The following XKR9 variants were observed in gnomAD, a reference collection of about 807,000 sequenced individuals.
XKR9 encodes the protein XK related 9.
In XKR9, 32 loss-of-function variants were observed where a neutral mutation model predicts 32.0. The observed-to-expected ratio is 1.00, with a 90% CI of 0.76 to 1.34. The LOEUF (loss-of-function observed/expected upper bound fraction) is 1.34, where lower values mean the gene tolerates loss of function less well. Among genes scored for constraint, XKR9 ranks in the 40% most tolerant of loss-of-function variants. XKR9 has a pLI of 0.00. For synonymous variants in XKR9, 168 were observed against 143.4 expected (o/e 1.17, Z -1.22); for missense variants, 546 against 429.7 (o/e 1.27, Z -2.39).
At chr8:70,852,176 G>T in the XKR9 span, among the ~76,000 whole-genome samples, 1 of 152,210 alleles carries the variant, frequency 6.6e-6, no homozygotes, top group Non-Finnish European at 1.5e-5. Context: ...ACAAACATAT[G>T]AGAAAAAGCT....
At chr8:70,968,980 C>T in the XKR9 span, among the ~76,000 whole-genome samples, 1 of 152,158 alleles carries the variant, frequency 6.6e-6, no homozygotes, top group Admixed American at 6.5e-5. Context: ...AGCAGTTGCA[C>T]CATGCTGGGG....
chr8:70,740,905 C>G (rs201386040), downstream of XKR9, among the ~76,000 whole-genome samples: 1 of 152,290 alleles, frequency 6.6e-6, no homozygotes, highest in South Asian at 2.1e-4. Context: ...TTAGGCTGCT[C>G]GGGGTCAGGG....
At chr8:71,038,250 T>C in the XKR9 span, among the ~76,000 whole-genome samples, 1 of 151,972 alleles carries the variant, frequency 6.6e-6, no homozygotes, top group Non-Finnish European at 1.5e-5. Flanking sequence ...TCTTTCTTTC[T>C]CTTTCTTCCT....
chr8:70,842,547 T>TACACACACACACACACACACACAC, the XKR9 span, among the ~76,000 whole-genome samples: 1 of 149,026 alleles, frequency 6.7e-6, no homozygotes. Context: ...CATCATTATT[T>TACACACACACACACACACACACAC]ACACACACAC....
At chr8:70,858,091 A>G in the XKR9 span, among the ~76,000 whole-genome samples, 1 of 152,208 alleles carries the variant, frequency 6.6e-6, no homozygotes, top group Non-Finnish European at 1.5e-5. Flanking sequence ...CTCCTATTCA[A>G]CATAGTGTTG....
At chr8:70,951,443 G>A in the XKR9 span, among the ~76,000 whole-genome samples, 1 of 152,256 alleles carries the variant, frequency 6.6e-6, no homozygotes, top group African/African-American at 2.4e-5. Flanking sequence ...CCCAGGCTGG[G>A]AGGGCCTGGC....
the XKR9 span, among the ~76,000 whole-genome samples, chr8:70,852,941 G>A: frequency 6.6e-6 from 1 of 151,984 alleles, no homozygotes; most frequent in Admixed American, 6.6e-5. Context: ...CATGGCACAT[G>A]TATGCCTATG....
chr8:71,018,430 T>G, the XKR9 span, among the ~76,000 whole-genome samples: 1 of 152,198 alleles, frequency 6.6e-6, no homozygotes, highest in Non-Finnish European at 1.5e-5. Flanking sequence ...ATAATTTTTG[T>G]CTAGGAAGAA....
At chr8:70,716,678 G>A (rs960561783) in intron 4 of XKR9, among the ~76,000 whole-genome samples, 1 of 152,088 alleles carries the variant, frequency 6.6e-6, no homozygotes, top group African/African-American at 2.4e-5. Context: ...TGAGATTTGG[G>A]TGGGGACACA....
intron 4 of XKR9, among the ~76,000 whole-genome samples, chr8:70,719,180 G>A (rs970087193): frequency 6.6e-6 from 1 of 151,728 alleles, no homozygotes; most frequent in Admixed American, 6.6e-5. Context: ...GTAAATTTAA[G>A]TTTCTTGTAG....
the XKR9 span, among the ~76,000 whole-genome samples, chr8:70,832,956 T>C: frequency 6.6e-6 from 1 of 152,208 alleles, no homozygotes; most frequent in African/African-American, 2.4e-5. Context: ...GTTTGTTCAG[T>C]AGTTATTTAT....
chr8:70,740,818 C>G (rs1806959113), downstream of XKR9, among the ~76,000 whole-genome samples: 1 of 152,216 alleles, frequency 6.6e-6, no homozygotes, highest in South Asian at 2.1e-4. Flanking sequence ...TCTGATCGTT[C>G]CTCTGAAAGT....
the XKR9 span, among the ~76,000 whole-genome samples, chr8:70,880,950 C>A: frequency 6.6e-6 from 1 of 152,084 alleles, no homozygotes; most frequent in Non-Finnish European, 1.5e-5. Flanking sequence ...AGAACCGAGG[C>A]CTCAGAAATA....
At chr8:70,684,037 G>C (rs142808998) in intron 3 of XKR9, among the ~76,000 whole-genome samples, 1 of 152,110 alleles carries the variant, frequency 6.6e-6, no homozygotes, top group East Asian at 1.9e-4. Context: ...TCTCATTGCC[G>C]CTCTTTTGAA....
the XKR9 span, among the ~76,000 whole-genome samples, chr8:70,909,703 CTTTTTTTTTTTTTTT>C: frequency 2.2e-5 from 2 of 91,168 alleles, no homozygotes. Flanking sequence ...TCGATTTATC[CTTTTTTTTTTTTTTT>C]TTTTTTTTTT....
intron 2 of XKR9, among the ~76,000 whole-genome samples, chr8:70,766,300 C>T (rs987129081): frequency 1.3e-5 from 2 of 152,106 alleles, no homozygotes; most frequent in Admixed American, 1.3e-4. Context: ...GTTTGTAGTT[C>T]TCCTTGAAGA....
intron 2 of XKR9, among the ~76,000 whole-genome samples, chr8:70,743,136 T>C (rs2130167682): frequency 6.6e-6 from 1 of 152,268 alleles, no homozygotes; most frequent in East Asian, 1.9e-4. Flanking sequence ...TGGAGTTTTC[T>C]TCAGGTTGAC....
At chr8:70,810,897 C>G in the XKR9 span, among the ~76,000 whole-genome samples, 1 of 152,126 alleles carries the variant, frequency 6.6e-6, no homozygotes, top group Non-Finnish European at 1.5e-5. Flanking sequence ...AGAAAGTTAA[C>G]AAGGATATCC....
chr8:70,901,288 G>T, the XKR9 span, among the ~76,000 whole-genome samples: 1 of 152,160 alleles, frequency 6.6e-6, no homozygotes, highest in Non-Finnish European at 1.5e-5. Flanking sequence ...GTGTTAAAGT[G>T]TTCCTATTTC....
Sources: gnomAD v4.1 joint callset for allele counts (sites outside exome capture counted in the v4.1 genomes callset) on GRCh38, gnomAD v4.1.1 for gene constraint, MANE v1.5 for transcripts, NCBI Gene and HGNC (gene_info 2026-07-23, HGNC 2026-07-21) for gene names.